Variants in SPATA17 observed in about 807,000 individuals in gnomAD.
SPATA17 encodes the protein spermatogenesis associated 17.
Under a neutral mutation model 62.2 loss-of-function variants are expected in SPATA17, and 53 were observed. That is an observed-to-expected ratio of 0.85 (90% confidence interval 0.68 to 1.07). The LOEUF is 1.07. Among genes scored for constraint, SPATA17 ranks in the 50% least tolerant of loss-of-function variants. SPATA17 has a pLI of 0.00. For missense variants in SPATA17, 466 were observed against 425.5 expected, an observed-to-expected ratio of 1.10 and a Z score of -0.84; for synonymous variants, 146 against 146.8, an observed-to-expected ratio of 0.99 and a Z score of 0.04.
chr1:217,727,247 CAATAATAATAATAAT>C (rs59885913), intron 5 of SPATA17, among the ~76,000 whole-genome samples: 1 of 132,776 alleles, frequency 7.5e-6, no homozygotes, highest in African/African-American at 3.2e-5. Flanking sequence ...AACTCCGTCT[CAATAATAATAATAAT>C]AATAATAATA....
chr1:217,683,419 T>G, intron 5 of SPATA17, 58 bp downstream of exon 5: 1 of 1,097,536 alleles, frequency 9.1e-7, no homozygotes, highest in Non-Finnish European at 1.4e-6. Flanking sequence ...ACTCAATAGA[T>G]GTTGATCAAC....
chr1:217,850,421 G>A (rs958060885), intron 9 of SPATA17: 102 of 1,262,514 alleles, frequency 8.1e-5, no homozygotes, highest in Non-Finnish European at 1.1e-4. Context: ...CATCTCAGAC[G>A]CTGGACCAGG....
chr1:217,634,868 C>T (rs1478912449), intron 1 of SPATA17, among the ~76,000 whole-genome samples: 1 of 151,682 alleles, frequency 6.6e-6, no homozygotes, highest in Non-Finnish European at 1.5e-5. Flanking sequence ...AGTGGCAGTT[C>T]CATTGTCACT....
chr1:217,745,562 C>A (rs1200026955), intron 6 of SPATA17, among the ~76,000 whole-genome samples: 1 of 152,142 alleles, frequency 6.6e-6, no homozygotes, highest in African/African-American at 2.4e-5. Flanking sequence ...ACTATTAATA[C>A]AAACTGTCTC....
At chr1:217,824,267 G>C (rs1342717062) in intron 9 of SPATA17, among the ~76,000 whole-genome samples, 1 of 150,902 alleles carries the variant, frequency 6.6e-6, no homozygotes, top group East Asian at 1.9e-4. Flanking sequence ...ATTTACTTTG[G>C]GATATTTTGT....
chr1:217,636,392 ATTATTATTATTATTGAC>A (rs1355637219), intron 1 of SPATA17, among the ~76,000 whole-genome samples: 1 of 150,418 alleles, frequency 6.6e-6, no homozygotes, highest in African/African-American at 2.5e-5. Flanking sequence ...GAACAAAATT[ATTATTATTATTATTGAC>A]TTATTATTAT....
At chr1:217,687,357 A>T (rs1671239830) in intron 5 of SPATA17, among the ~76,000 whole-genome samples, 1 of 152,054 alleles carries the variant, frequency 6.6e-6, no homozygotes, top group South Asian at 2.1e-4. Context: ...TTCTAGGTTT[A>T]TTGTGTTATA....
intron 6 of SPATA17, among the ~76,000 whole-genome samples, chr1:217,769,904 C>A (rs1216868472): frequency 6.6e-6 from 1 of 152,168 alleles, no homozygotes; most frequent in Non-Finnish European, 1.5e-5. Context: ...TTACTAAATG[C>A]TAGATTGTGA....
chr1:217,740,277 A>G (rs1237162796), intron 5 of SPATA17, among the ~76,000 whole-genome samples: 1 of 151,986 alleles, frequency 6.6e-6, no homozygotes, highest in African/African-American at 2.4e-5. Context: ...TATATTTAGC[A>G]TAATATGAAA....
chr1:217,748,702 C>T (rs1227657651), intron 6 of SPATA17, among the ~76,000 whole-genome samples: 1 of 150,716 alleles, frequency 6.6e-6, no homozygotes, highest in Non-Finnish European at 1.5e-5. Context: ...CGAGATCACG[C>T]CACTGCACTC....
At chr1:217,751,401 A>G (rs957714413) in intron 6 of SPATA17, among the ~76,000 whole-genome samples, 2 of 152,202 alleles carry the variant, frequency 1.3e-5, no homozygotes, top group African/African-American at 4.8e-5. Flanking sequence ...CTTTGGATCC[A>G]TAGTTTAAGA....
At chr1:217,720,843 G>A (rs140474578) in intron 5 of SPATA17, among the ~76,000 whole-genome samples, 2 of 152,256 alleles carry the variant, frequency 1.3e-5, no homozygotes, top group East Asian at 3.9e-4. Flanking sequence ...ACACATTAAT[G>A]ATGAGATTCA....
intron 5 of SPATA17, among the ~76,000 whole-genome samples, chr1:217,700,928 A>G (rs988819333): frequency 7.3e-5 from 11 of 151,164 alleles, no homozygotes; most frequent in Admixed American, 1.3e-4. Context: ...TTTAAATATC[A>G]TGAAATTCTT....
At chr1:217,718,516 C>T (rs1672057084) in intron 5 of SPATA17, among the ~76,000 whole-genome samples, 1 of 152,166 alleles carries the variant, frequency 6.6e-6, no homozygotes, top group Non-Finnish European at 1.5e-5. Flanking sequence ...TAGAAGGTCT[C>T]AGACTGATAG....
intron 9 of SPATA17, among the ~76,000 whole-genome samples, chr1:217,825,981 C>T (rs1674991458): frequency 6.6e-6 from 1 of 152,010 alleles, no homozygotes; most frequent in South Asian, 2.1e-4. Flanking sequence ...TATTTATTTT[C>T]TAGCTGGCTT....
chr1:217,774,395 A>G lies in SPATA17; in HGVS notation c.581A>G (p.Gln194Arg). 6.2e-7 allele frequency: 1 copy of G among 1,614,098 alleles called. No individual in the cohort carries two copies. Among genetic ancestry groups the G allele is most frequent in the African/African-American group, 1.3e-5 (1 of 75,056 alleles). ...CCTGATCCATGGGAGCTGCAATTAC[A>G]GAAGGCAAAGCCTTTAACACACCGA... is the stretch of plus-strand genomic sequence containing the variant. ...KEPDPWELQL[Q>R]KAKPLTHRRP... is the part of the protein sequence containing the mutation. Residue 194 changes from glutamine (Q) to arginine (R), a missense_variant, in exon 7 of 11, where the codon CAG (glutamine) becomes CGG (arginine). Transcript: ENST00000366933.
intron 4 of SPATA17, among the ~76,000 whole-genome samples, chr1:217,673,611 C>A (rs1021128882): frequency 6.6e-6 from 1 of 152,124 alleles, no homozygotes; most frequent in Non-Finnish European, 1.5e-5. Context: ...GATTCAGTTG[C>A]ACAAGTCATT....
At position 217,714,488 on chromosome 1, in the gene SPATA17, C is replaced by CTTTTTTTTTT. The variant is rs750665329; in HGVS notation, c.396-27482_396-27473dup. Among the ~76,000 whole-genome samples the CTTTTTTTTTT allele has an allele frequency of 2.1e-4, 25 of 121,412 alleles. 1 individual carries two copies. The highest frequency in any genetic ancestry group is 6.8e-4 in the African/African-American group (21 of 30,692). 79.7% of individuals were successfully genotyped at this position (121,412 alleles called of 152,430 possible). A position where few individuals can be genotyped will look rare whatever the true frequency, so the allele number is the denominator to read the frequency against. ...TGAGTTGAACGTGGAAAACGTGTTT[C>CTTTTTTTTTT]TTTTTTTTTTTTTTGAGACAGAGTC... On this transcript the variant is annotated intron_variant, in intron 5 of 10. Transcript: ENST00000366933.
intron 5 of SPATA17, among the ~76,000 whole-genome samples, chr1:217,688,180 A>G (rs1671265034): frequency 6.6e-6 from 1 of 152,204 alleles, no homozygotes; most frequent in Non-Finnish European, 1.5e-5. Flanking sequence ...ACTTGAGCCC[A>G]GGAGTGTGAT....
Sources: allele counts gnomAD v4.1 joint callset (sites outside exome capture counted in the v4.1 genomes callset), GRCh38; gene constraint gnomAD v4.1.1; transcripts MANE v1.5; gene names NCBI Gene and HGNC (gene_info 2026-07-23, HGNC 2026-07-21).